The following CMIP variants were observed in gnomAD, a reference collection of about 807,000 sequenced individuals.
The protein encoded by CMIP is C-Maf-inducing protein.
Under a neutral mutation model 97.3 loss-of-function variants are expected in CMIP, and 13 were observed. That is an observed-to-expected ratio of 0.13 (90% CI 0.09 to 0.21). The LOEUF (loss-of-function observed/expected upper bound fraction) is 0.21. Among genes scored for constraint, CMIP ranks in the 10% least tolerant of loss-of-function variants. The pLI is 1.00. For synonymous variants in CMIP, 538 were observed against 436.3 expected (o/e 1.23, Z -2.91); for missense variants, 847 against 1,024.9 (o/e 0.83, Z 2.37).
intron 3 of CMIP, chr16:81,645,616 A>G (rs1055081096): frequency 2.6e-6 from 4 of 1,535,596 alleles, no homozygotes; most frequent in Non-Finnish European, 3.5e-6. Context: ...CCCTTCCTTG[A>G]CAAGCAGAGA....
chr16:81,638,257 A>G lies in CMIP; in HGVS notation c.478-13946A>G, dbSNP rs188661123. Among the ~76,000 whole-genome samples the G allele has an allele frequency of 7.4e-3, 1,125 of 152,246 alleles. 6 individuals carry two copies. Among genetic ancestry groups the G allele is most frequent in the Non-Finnish European group, 0.011 (738 of 68,000 alleles). On this transcript the variant is annotated intron_variant, in intron 3 of 20. Transcript: ENST00000537098. ...CCCATCTCAAGATCCCAAACGTGGG[A>G]TGTTGCATTCACAGATGGCAGGGGT...
At chr16:81,473,067 G>A (rs1360993989) in intron 1 of CMIP, among the ~76,000 whole-genome samples, 3 of 152,204 alleles carry the variant, frequency 2.0e-5, no homozygotes, top group African/African-American at 7.2e-5. Flanking sequence ...TAAAATGGGA[G>A]TGAATATAGC....
chr16:81,532,831 C>T (rs1240479133), intron 1 of CMIP, among the ~76,000 whole-genome samples: 2 of 152,128 alleles, frequency 1.3e-5, no homozygotes, highest in Non-Finnish European at 1.5e-5. Context: ...TTGGACACAC[C>T]GTGTTGCCTC....
intron 1 of CMIP, among the ~76,000 whole-genome samples, chr16:81,569,097 T>G (rs568109939): frequency 6.6e-6 from 1 of 152,330 alleles, no homozygotes; most frequent in Non-Finnish European, 1.5e-5. Flanking sequence ...GTAGCACCCT[T>G]ATGAATGCTT....
rs577129427 is a variant in CMIP at position 81,615,127 on chromosome 16, GTGTA to G, written c.427-5741_427-5738del. The stretch of plus-strand genomic sequence containing the variant: ...TGTATGGTATGTGTCTGTGGTGTGT[GTGTA>G]TGTATGTCTGTGTGATGTGTGTGCA... On this transcript the variant is annotated intron_variant, in intron 2 of 20. Transcript: ENST00000537098. 1.8e-3 allele frequency among the ~76,000 whole-genome samples: 272 copies of G among 149,642 alleles called. 2 individuals carry two copies. The highest frequency in any genetic ancestry group is 9.9e-4 in the East Asian group (5 of 5,030).
At chr16:81,600,815 C>A (rs751105029) in intron 1 of CMIP, among the ~76,000 whole-genome samples, 1 of 152,202 alleles carries the variant, frequency 6.6e-6, no homozygotes, top group Non-Finnish European at 1.5e-5. Flanking sequence ...CCAGCGCAAG[C>A]CACTTTGAGC....
rs562129584 is a variant in CMIP at position 81,647,697 on chromosome 16, C to T, written c.478-4506C>T. Among the ~76,000 whole-genome samples, 74 of 152,206 alleles carry T rather than the reference C, an allele frequency of 4.9e-4. 1 individual carries two copies. The highest frequency in any genetic ancestry group is 9.4e-4 in the Non-Finnish European group (64 of 68,004). On this transcript the variant is annotated intron_variant, in intron 3 of 20. Transcript: ENST00000537098. Reference sequence around the variant, plus strand: ...CTGGAGCAGGGATTCCGGAGGCGTCCCTATCCCAGCTCCACCATGATTCAT... The same window carrying T: ...CTGGAGCAGGGATTCCGGAGGCGTCTCTATCCCAGCTCCACCATGATTCAT...
chr16:81,537,244 C>T lies in CMIP; in HGVS notation c.301-70323C>T, dbSNP rs142673672. Among the ~76,000 whole-genome samples, 241 of 152,188 alleles carry T rather than the reference C, an allele frequency of 1.6e-3. 1 individual carries two copies. The highest frequency in any genetic ancestry group is 2.6e-3 in the Non-Finnish European group (178 of 68,006). On this transcript the variant is annotated intron_variant, in intron 1 of 20. Transcript: ENST00000537098. ...TGAGAAATAAAGTTGGATAGAAACG[C>T]CCCATATAGGCTGGGGGCGGTGGCT...
intron 1 of CMIP, among the ~76,000 whole-genome samples, chr16:81,486,797 G>T (rs1348434836): frequency 2.0e-5 from 3 of 152,274 alleles, no homozygotes; most frequent in Admixed American, 2.0e-4. Flanking sequence ...TGGAAGCCCG[G>T]CCCCAACAGC....
At chr16:81,501,024 C>A (rs561624473) in intron 1 of CMIP, among the ~76,000 whole-genome samples, 3 of 152,252 alleles carry the variant, frequency 2.0e-5, no homozygotes, top group Non-Finnish European at 4.4e-5. Flanking sequence ...TGGTGGTTAT[C>A]CTTTGGAAAA....
chr16:81,541,918 G>A (rs1159703153), intron 1 of CMIP, among the ~76,000 whole-genome samples: 1 of 152,190 alleles, frequency 6.6e-6, no homozygotes, highest in Non-Finnish European at 1.5e-5. Context: ...TAGCAAAAAC[G>A]AAATGTCTAT....
At chr16:81,618,015 G>A (rs1299425793) in intron 2 of CMIP, among the ~76,000 whole-genome samples, 1 of 152,202 alleles carries the variant, frequency 6.6e-6, no homozygotes, top group African/African-American at 2.4e-5. Flanking sequence ...TACAGGCACT[G>A]CCTGGGTCCA....
intron 1 of CMIP, among the ~76,000 whole-genome samples, chr16:81,582,002 G>A (rs1427368731): frequency 6.6e-6 from 1 of 152,216 alleles, no homozygotes; most frequent in Non-Finnish European, 1.5e-5. Flanking sequence ...GCCTCAGGTG[G>A]AAGGCAAAGG....
At chr16:81,625,030 G>A (rs1033356907) in intron 3 of CMIP, among the ~76,000 whole-genome samples, 3 of 152,202 alleles carry the variant, frequency 2.0e-5, no homozygotes, top group African/African-American at 7.2e-5. Flanking sequence ...TTGCAGATGG[G>A]GAAACCTGAG....
At chr16:81,481,331 C>G (rs1230630701) in intron 1 of CMIP, among the ~76,000 whole-genome samples, 1 of 152,146 alleles carries the variant, frequency 6.6e-6, no homozygotes, top group East Asian at 1.9e-4. Context: ...AGCCTCATGG[C>G]AGGTGTACAG....
At chr16:81,594,049 C>T (rs1369569314) in intron 1 of CMIP, among the ~76,000 whole-genome samples, 8 of 92,252 alleles carry the variant, frequency 8.7e-5, no homozygotes, top group Admixed American at 5.3e-4. Flanking sequence ...CCCTCCTTCT[C>T]CTCCTCCTCT....
chr16:81,513,243 C>G (rs1483950865), intron 1 of CMIP, among the ~76,000 whole-genome samples: 1 of 152,218 alleles, frequency 6.6e-6, no homozygotes, highest in Non-Finnish European at 1.5e-5. Flanking sequence ...TCCGTTGCTG[C>G]TCACCAGACC....
At chr16:81,609,272 C>T (rs1233248172) in intron 2 of CMIP, among the ~76,000 whole-genome samples, 1 of 152,078 alleles carries the variant, frequency 6.6e-6, no homozygotes. Context: ...ACCCTCCTGC[C>T]AGACACTTCT....
At chr16:81,707,208 A>G (rs998094321) in intron 20 of CMIP, 124 bp downstream of exon 20, 15 of 773,938 alleles carry the variant, frequency 1.9e-5, no homozygotes, top group Middle Eastern at 2.4e-4. Flanking sequence ...AGATCAATAC[A>G]TAAAATAATG....
Sources: allele counts gnomAD v4.1 joint callset (sites outside exome capture counted in the v4.1 genomes callset), GRCh38; gene constraint gnomAD v4.1.1; transcripts MANE v1.5; gene names NCBI Gene and HGNC (gene_info 2026-07-23, HGNC 2026-07-21).